Variants in SCARA5 observed in about 807,000 individuals in gnomAD.
The protein encoded by SCARA5 is scavenger receptor class A, member 5 (putative).
A neutral mutation model predicts 46.3 loss-of-function variants in SCARA5; 45 were observed. That is an observed-to-expected ratio of 0.97 (90% CI 0.76 to 1.24). The LOEUF (loss-of-function observed/expected upper bound fraction) is 1.24. Among genes scored for constraint, SCARA5 ranks in the 50% most tolerant of loss-of-function variants. SCARA5 has a pLI of 0.00. For missense variants in SCARA5, 680 were observed against 689.0 expected (o/e 0.99, Z 0.15); for synonymous variants, 333 against 306.5 (o/e 1.09, Z -0.90).
intron 2 of SCARA5, among the ~76,000 whole-genome samples, chr8:27,981,846 C>G (rs1187874042): frequency 6.6e-6 from 1 of 152,192 alleles, no homozygotes; most frequent in African/African-American, 2.4e-5. Flanking sequence ...TAATAGTCCC[C>G]TCTCCTGCAC....
intron 3 of SCARA5, among the ~76,000 whole-genome samples, chr8:27,938,524 C>T (rs1250265019): frequency 6.6e-6 from 1 of 152,162 alleles, no homozygotes; most frequent in African/African-American, 2.4e-5. Flanking sequence ...CCTCACATGC[C>T]TGTTTAGAGA....
intron 3 of SCARA5, among the ~76,000 whole-genome samples, chr8:27,961,368 C>T (rs1009945128): frequency 4.6e-5 from 7 of 152,142 alleles, no homozygotes; most frequent in African/African-American, 1.7e-4. Context: ...TGCCACATGA[C>T]GTGCCTACTC....
intron 3 of SCARA5, among the ~76,000 whole-genome samples, chr8:27,965,627 G>A (rs1346801520): frequency 2.6e-5 from 4 of 152,236 alleles, no homozygotes; most frequent in Admixed American, 2.6e-4. Flanking sequence ...CTGCAAGGCA[G>A]GTACTCATGT....
chr8:27,948,132 G>A (rs2129891226), intron 3 of SCARA5, among the ~76,000 whole-genome samples: 1 of 152,236 alleles, frequency 6.6e-6, no homozygotes, highest in East Asian at 1.9e-4. Context: ...TAAATATTAT[G>A]TTCTGTGTAT....
intron 3 of SCARA5, among the ~76,000 whole-genome samples, chr8:27,927,862 CTGAG>C (rs1807706762): frequency 6.6e-6 from 1 of 152,076 alleles, no homozygotes; most frequent in Non-Finnish European, 1.5e-5. Context: ...TCTCACTGCA[CTGAG>C]TATTACAATT....
At chr8:27,912,296 T>C (rs751806802) in intron 4 of SCARA5, among the ~76,000 whole-genome samples, 5 of 152,206 alleles carry the variant, frequency 3.3e-5, no homozygotes, top group Admixed American at 6.5e-5. Flanking sequence ...AAGATTGAGA[T>C]GTACTGATAA....
chr8:27,980,590 G>C (rs1017528006), intron 2 of SCARA5, among the ~76,000 whole-genome samples: 3 of 152,134 alleles, frequency 2.0e-5, no homozygotes, highest in African/African-American at 7.2e-5. Context: ...GGCGCCCCTG[G>C]TGCCTCTGTA....
intron 3 of SCARA5, among the ~76,000 whole-genome samples, chr8:27,960,459 A>C (rs1209604247): frequency 6.6e-6 from 1 of 152,230 alleles, no homozygotes; most frequent in Non-Finnish European, 1.5e-5. Context: ...TACAGGCATG[A>C]GCCACTGTCC....
chr8:27,959,961 C>T (rs376085108), intron 3 of SCARA5, among the ~76,000 whole-genome samples: 4 of 152,192 alleles, frequency 2.6e-5, no homozygotes, highest in South Asian at 4.1e-4. Context: ...TGCGCTGTCA[C>T]GGTACCTCAA....
intron 4 of SCARA5, among the ~76,000 whole-genome samples, chr8:27,917,899 C>T (rs368225319): frequency 6.6e-6 from 1 of 152,162 alleles, no homozygotes; most frequent in East Asian, 1.9e-4. Context: ...CTACCTCCTT[C>T]CCTCCTTTGA....
intron 2 of SCARA5, among the ~76,000 whole-genome samples, chr8:27,984,493 T>C (rs1255961121): frequency 3.4e-5 from 4 of 117,360 alleles, no homozygotes; most frequent in African/African-American, 7.9e-5. Flanking sequence ...TTCATCTATT[T>C]ATTTATTCAT....
chr8:27,894,887 GA>G (rs754592717), intron 7 of SCARA5, among the ~76,000 whole-genome samples: 15 of 152,206 alleles, frequency 9.9e-5, no homozygotes, highest in Non-Finnish European at 1.8e-4. Context: ...GGTGTGGAAT[GA>G]ATGAGTGGGG....
At chr8:27,968,514 G>A (rs1808402382) in intron 2 of SCARA5, among the ~76,000 whole-genome samples, 1 of 152,184 alleles carries the variant, frequency 6.6e-6, no homozygotes, top group South Asian at 2.1e-4. Flanking sequence ...GCTCCTGGTA[G>A]CATTTCTTTT....
intron 7 of SCARA5, among the ~76,000 whole-genome samples, chr8:27,902,314 C>G (rs1382861371): frequency 6.6e-6 from 1 of 152,046 alleles, no homozygotes; most frequent in East Asian, 1.9e-4. Flanking sequence ...GGGGTGGCCT[C>G]CCCCCACGCC....
chr8:27,960,241 A>G (rs1271837381), intron 3 of SCARA5, among the ~76,000 whole-genome samples: 3 of 151,630 alleles, frequency 2.0e-5, no homozygotes, highest in Admixed American at 6.6e-5. Context: ...CAATGATGCA[A>G]TCATGGCTCA....
chr8:27,876,442 C>T (rs543102385), intron 8 of SCARA5, among the ~76,000 whole-genome samples: 3 of 152,166 alleles, frequency 2.0e-5, no homozygotes, highest in South Asian at 2.1e-4. Context: ...CTGCAGGACT[C>T]GGGGACCAAC....
At chr8:27,976,965 A>C (rs548028148) in intron 2 of SCARA5, among the ~76,000 whole-genome samples, 1 of 152,200 alleles carries the variant, frequency 6.6e-6, no homozygotes, top group Admixed American at 6.5e-5. Flanking sequence ...CCCCTGCCTT[A>C]GTCCAGGCTG....
In SCARA5 at chr8:27,881,785, C is replaced by T. The variant is rs150114303; in HGVS notation, c.1154-2019G>A. 1.2e-4 allele frequency among the ~76,000 whole-genome samples: 18 copies of T among 152,168 alleles called. No individual in the cohort carries two copies. In the East Asian group the frequency reaches 3.5e-3, roughly 29 times the overall value. ...CAGAAAATTCCCATATACAACACCC[C>T]TCCCTCTACACACAGCCTCCCCCAT... On this transcript the variant is annotated intron_variant, in intron 7 of 8. Transcript: ENST00000354914.
chr8:27,922,250 G>A lies in SCARA5; in HGVS notation c.242-5C>T, dbSNP rs199619491. 2.0e-5 allele frequency: 31 copies of A among 1,517,030 alleles called. No individual in the cohort carries two copies. In the East Asian group the frequency reaches 2.6e-4, roughly 13 times the overall value. The allele number at this position is 1,517,030 out of a possible 1,614,324, so 94.0% of individuals were successfully genotyped here. On this transcript the variant is annotated splice_polypyrimidine_tract_variant and splice_region_variant and intron_variant, in intron 3 of 8. Coordinates refer to ENST00000354914, the MANE Select transcript of SCARA5 (RefSeq NM_173833.6). ...GGGAGCTGCGCGGCCTGGACACTGC[G>A]GAGGAGGAAGAGGGGAGACTTGAGC... is the stretch of plus-strand genomic sequence containing the variant.
Sources: allele counts gnomAD v4.1 joint callset (sites outside exome capture counted in the v4.1 genomes callset), GRCh38; gene constraint gnomAD v4.1.1; transcripts MANE v1.5; gene names NCBI Gene and HGNC (gene_info 2026-07-23, HGNC 2026-07-21).